Variants in USP25 observed in about 807,000 individuals in gnomAD.
The protein encoded by USP25 is ubiquitin carboxyl-terminal hydrolase 25.
USP25 carries 85 observed loss-of-function variants against 158.5 expected under a neutral mutation model. The observed-to-expected ratio is 0.54, with a 90% confidence interval of 0.45 to 0.64. USP25 has a LOEUF of 0.64. Ranked by LOEUF, USP25 falls within the 30% of genes least tolerant of loss-of-function variation. The pLI is 0.00. For synonymous variants in USP25, 464 were observed against 460.4 expected (o/e 1.01, Z -0.10); for missense variants, 1,242 against 1,327.3 (o/e 0.94, Z 1.00).
At chr21:15,847,391 A>AT (rs1403350476) in intron 18 of USP25, among the ~76,000 whole-genome samples, 2 of 152,210 alleles carry the variant, frequency 1.3e-5, no homozygotes. Context: ...AAAACTGCAG[A>AT]TTTTGTATTA....
At chr21:15,822,364 T>A (rs928179469) in intron 10 of USP25, among the ~76,000 whole-genome samples, 1 of 151,970 alleles carries the variant, frequency 6.6e-6, no homozygotes, top group African/African-American at 2.4e-5. Flanking sequence ...GAAAATGCAT[T>A]CATAACAGAG....
In USP25 at chr21:15,874,409, A is replaced by G; in HGVS notation, c.2892A>G (p.Ile964Met). 6.2e-7 allele frequency: 1 copy of G among 1,603,370 alleles called. No homozygotes were observed. Among genetic ancestry groups the G allele is most frequent in the East Asian group, 2.2e-5 (1 of 44,632 alleles). Residue 964 changes from isoleucine to methionine, a missense_variant, in exon 24 of 26, where the codon ATA becomes ATG. This residue lies in a region of USP25 where 608 missense variants were observed against 605.2 expected (regional missense o/e 1.00). Coordinates refer to ENST00000400183, the MANE Select transcript of USP25 (RefSeq NM_001283041.3). ...GLENFQRESYIDSLLFLICAY... is the reference protein window; with the variant it reads ...GLENFQRESYMDSLLFLICAY... ...TTTCTTTTTAATTTTCAAGTTATAT[A>G]GATTCCTTGCTGTTCCTCATCTGTG... is the stretch of plus-strand genomic sequence containing the variant.
At position 15,839,226 on chromosome 21, in the gene USP25, T is replaced by C. The variant is rs550291845; in HGVS notation, c.2195-3172T>C. On this transcript the variant is annotated intron_variant, in intron 17 of 25. Transcript: ENST00000400183. The stretch of plus-strand genomic sequence containing the variant: ...CCTACCGTGACTACAACACCACTCA[T>C]CTAAGTTCCCTGGGAGGTATATACA... Among the ~76,000 whole-genome samples the C allele has an allele frequency of 7.9e-5, 12 of 152,260 alleles. No homozygotes were observed. The South Asian group carries it at 2.5e-3, about 32-fold the overall frequency.
At chr21:15,737,608 T>C (rs866437063) in intron 1 of USP25, among the ~76,000 whole-genome samples, 1 of 152,146 alleles carries the variant, frequency 6.6e-6, no homozygotes, top group Non-Finnish European at 1.5e-5. Context: ...TGTTTTAACT[T>C]AAAAATTTTA....
intron 17 of USP25, among the ~76,000 whole-genome samples, chr21:15,838,506 C>G (rs1049613450): frequency 1.3e-5 from 2 of 152,086 alleles, no homozygotes; most frequent in African/African-American, 2.4e-5. Context: ...CTCTCTCCCC[C>G]ACACCCCTCA....
rs538271715 is a variant in USP25 at position 15,843,492 on chromosome 21, G to A, written c.2337+952G>A. Among the ~76,000 whole-genome samples, 18 of 152,154 alleles carry A rather than the reference G, an allele frequency of 1.2e-4. 1 individual carries two copies. Among genetic ancestry groups the A allele is most frequent in the Admixed American group, 7.2e-4 (11 of 15,280 alleles). On this transcript the variant is annotated intron_variant, in intron 18 of 25. Coordinates refer to ENST00000400183, the MANE Select transcript of USP25 (RefSeq NM_001283041.3). This position sits in a 1 kb window ranked among gnomAD's most constrained non-coding sequence, Gnocchi z 4.0. ...TATGGTACTCTGTTAATTTTGTTTT[G>A]ATGAACTAAATAACAATACAAATTA...
chr21:15,827,026 C>T lies in USP25; in HGVS notation c.1516C>T (p.Pro506Ser), dbSNP rs758451546. 2 of 1,614,168 alleles carry T rather than the reference C, an allele frequency of 1.2e-6. No individual in the cohort carries two copies. The highest frequency in any genetic ancestry group is 2.2e-5 in the East Asian group (1 of 44,876). ...ATCTTCAGAACTGCCAAGCACATCA[C>T]CTTCATCAGTTGCTGCCATTTCATC... Reference protein sequence around the residue: ...ALSSELPSTSPSSVAAISSRS... With the variant: ...ALSSELPSTSSSSVAAISSRS... Residue 506 changes from proline to serine, a missense_variant, in exon 14 of 26, where the codon CCT becomes TCT. Coordinates refer to ENST00000400183, the MANE Select transcript of USP25 (RefSeq NM_001283041.3).
At chr21:15,871,028 C>T (rs914536136) in intron 23 of USP25, among the ~76,000 whole-genome samples, 1 of 152,174 alleles carries the variant, frequency 6.6e-6, no homozygotes, top group African/African-American at 2.4e-5. Flanking sequence ...TTAGTGGCCT[C>T]TATTTTTAGC....
At chr21:15,797,676 T>A (rs1024987089) in intron 5 of USP25, among the ~76,000 whole-genome samples, 2 of 151,300 alleles carry the variant, frequency 1.3e-5, no homozygotes, top group African/African-American at 4.8e-5. Context: ...TCTTCTAACC[T>A]GCCAAGATTC....
At chr21:15,849,951 A>T (rs1049762296) in intron 20 of USP25, 79 bp downstream of exon 20, 2 of 1,152,164 alleles carry the variant, frequency 1.7e-6, no homozygotes, top group Non-Finnish European at 2.4e-6. Context: ...CTTTGAATTC[A>T]GTTTGGTTTT....
At chr21:15,830,848 C>T (rs550137776) in intron 15 of USP25, among the ~76,000 whole-genome samples, 33 of 152,058 alleles carry the variant, frequency 2.2e-4, no homozygotes, top group African/African-American at 6.3e-4. Context: ...ATTTTCACAC[C>T]GTATGTGTTG....
chr21:15,827,218 A>G lies in USP25; in HGVS notation c.1693+15A>G, dbSNP rs1004583799. 3.1e-6 allele frequency: 5 copies of G among 1,599,720 alleles called. No individual in the cohort carries two copies. In the African/African-American group the frequency reaches 4.0e-5, roughly 13 times the overall value. On this transcript the variant is annotated intron_variant, in intron 14 of 25. Transcript: ENST00000400183. ...TGACACCAGAGGTAAGAAGTGTCTC[A>G]TAGCATGGTTACTGTCACCTCAGAT... is the stretch of plus-strand genomic sequence containing the variant.
intron 6 of USP25, among the ~76,000 whole-genome samples, chr21:15,804,403 G>A (rs988523302): frequency 6.6e-6 from 1 of 151,132 alleles, no homozygotes; most frequent in Non-Finnish European, 1.5e-5. Context: ...TTTAAATATT[G>A]TGATTGAATT....
intron 4 of USP25, among the ~76,000 whole-genome samples, chr21:15,786,553 G>A (rs1177284251): frequency 6.6e-6 from 1 of 152,046 alleles, no homozygotes; most frequent in Non-Finnish European, 1.5e-5. Flanking sequence ...ACAGAAAAAA[G>A]CACATTACAA....
At chr21:15,743,519 T>A (rs878927823) in intron 1 of USP25, among the ~76,000 whole-genome samples, 1 of 152,112 alleles carries the variant, frequency 6.6e-6, no homozygotes, top group Non-Finnish European at 1.5e-5. Context: ...AGTCCAGGGT[T>A]TTTTTAGGTT....
chr21:15,799,732 A>T, intron 5 of USP25, 25 bp from the exon 6 acceptor site: 2 of 1,518,034 alleles, frequency 1.3e-6, no homozygotes, highest in Non-Finnish European at 1.8e-6. Context: ...CCCTCAGGTT[A>T]TGTTAAATTG....
chr21:15,782,030 A>G (rs1404437228), intron 4 of USP25, among the ~76,000 whole-genome samples: 1 of 152,182 alleles, frequency 6.6e-6, no homozygotes, highest in Non-Finnish European at 1.5e-5. Flanking sequence ...AGTTCACACA[A>G]GTGCCTCTAG....
At chr21:15,841,505 T>A (rs1295775203) in intron 17 of USP25, among the ~76,000 whole-genome samples, 1 of 152,176 alleles carries the variant, frequency 6.6e-6, no homozygotes, top group Non-Finnish European at 1.5e-5. Context: ...TTCTTTTTTT[T>A]GAATGTAGTC....
At chr21:15,804,747 A>G (rs2036295400) in intron 6 of USP25, among the ~76,000 whole-genome samples, 3 of 152,150 alleles carry the variant, frequency 2.0e-5, no homozygotes, top group Non-Finnish European at 4.4e-5. Flanking sequence ...GTGAACACTC[A>G]TTGAATGTTG....
Sources: gnomAD v4.1 joint callset for allele counts (sites outside exome capture counted in the v4.1 genomes callset) on GRCh38, gnomAD v4.1.1 for gene constraint, gnomAD v4.1.1 regional missense constraint, Gnocchi (gnomAD v3.1) non-coding constraint, MANE v1.5 for transcripts, NCBI Gene and HGNC (gene_info 2026-07-23, HGNC 2026-07-21) for gene names.